The following GALK2 variants were observed in gnomAD, a reference collection of about 807,000 sequenced individuals.
The protein encoded by GALK2 is N-acetylgalactosamine kinase.
A neutral mutation model predicts 52.4 loss-of-function variants in GALK2; 36 were observed. That is an observed-to-expected ratio of 0.69 (90% CI 0.53 to 0.91). The LOEUF is 0.91. Ranked by LOEUF, GALK2 falls within the 40% of genes least tolerant of loss-of-function variation. GALK2 has a pLI of 0.00. For synonymous variants in GALK2, 176 were observed against 199.1 expected (o/e 0.88, Z 0.98); for missense variants, 579 against 559.1 (o/e 1.04, Z -0.36).
intron 8 of GALK2, among the ~76,000 whole-genome samples, chr15:49,315,874 A>AC (rs2151075816): frequency 6.6e-6 from 1 of 152,318 alleles, no homozygotes; most frequent in African/African-American, 2.4e-5. Context: ...AAATCAAAGC[A>AC]CCAGTCCTGG....
intron 1 of GALK2, among the ~76,000 whole-genome samples, chr15:49,173,537 T>G (rs1466903390): frequency 6.6e-6 from 1 of 152,204 alleles, no homozygotes; most frequent in African/African-American, 2.4e-5. Context: ...TGGCTGCCAA[T>G]TTCTACTTCT....
intron 5 of GALK2, among the ~76,000 whole-genome samples, chr15:49,260,392 C>T (rs1482602890): frequency 9.9e-5 from 15 of 150,834 alleles, no homozygotes; most frequent in South Asian, 4.2e-4. Flanking sequence ...TCATGTCCTT[C>T]GCCCACTTTT....
intron 8 of GALK2, among the ~76,000 whole-genome samples, chr15:49,297,260 C>A (rs1185310517): frequency 6.6e-6 from 1 of 152,086 alleles, no homozygotes; most frequent in Admixed American, 6.5e-5. Context: ...GTCCTTTGCC[C>A]ATTTTTTAAT....
At chr15:49,163,070 T>C (rs2084707792) in intron 1 of GALK2, among the ~76,000 whole-genome samples, 1 of 152,216 alleles carries the variant, frequency 6.6e-6, no homozygotes, top group African/African-American at 2.4e-5. Flanking sequence ...CTCAAATTGT[T>C]TTCCTAAGTG....
intron 8 of GALK2, among the ~76,000 whole-genome samples, chr15:49,311,891 C>T (rs2036018537): frequency 6.6e-6 from 1 of 152,208 alleles, no homozygotes; most frequent in African/African-American, 2.4e-5. Context: ...CCCCAGGCTT[C>T]CCATTGCCTG....
At chr15:49,357,211 A>G (rs1400762749) in intron 3 of GALK2, among the ~76,000 whole-genome samples, 3 of 150,198 alleles carry the variant, frequency 2.0e-5, no homozygotes, top group Non-Finnish European at 4.4e-5. Context: ...AAAAGCTAGC[A>G]GAAGGCAAGA....
intron 3 of GALK2, among the ~76,000 whole-genome samples, chr15:49,337,953 C>T (rs972402354): frequency 2.6e-5 from 4 of 152,226 alleles, no homozygotes; most frequent in Admixed American, 6.5e-5. Context: ...TGAACACTGC[C>T]GCAATAAACA....
intron 5 of GALK2, among the ~76,000 whole-genome samples, chr15:49,257,670 T>C (rs2091869930): frequency 6.6e-6 from 1 of 152,066 alleles, no homozygotes; most frequent in South Asian, 2.1e-4. Context: ...GCAGTGAGAA[T>C]ACAGTTTTCA....
intron 7 of GALK2, among the ~76,000 whole-genome samples, chr15:49,285,584 C>T (rs1291684680): frequency 1.3e-5 from 2 of 152,170 alleles, no homozygotes; most frequent in Non-Finnish European, 2.9e-5. Context: ...GAGCTCCAAA[C>T]CTCTATATCC....
intron 1 of GALK2, among the ~76,000 whole-genome samples, chr15:49,200,281 A>T (rs1194525189): frequency 1.3e-5 from 2 of 152,206 alleles, no homozygotes; most frequent in African/African-American, 4.8e-5. Context: ...GAACTTTGAC[A>T]TTGAATTAGA....
intron 3 of GALK2, among the ~76,000 whole-genome samples, chr15:49,342,586 T>C (rs533265172): frequency 1.3e-5 from 2 of 152,332 alleles, no homozygotes; most frequent in East Asian, 3.9e-4. Context: ...TGTTAGCTGG[T>C]TGCTTTGTAG....
chr15:49,265,756 C>A (rs939037116), intron 5 of GALK2, among the ~76,000 whole-genome samples: 5 of 152,082 alleles, frequency 3.3e-5, no homozygotes, highest in Non-Finnish European at 7.4e-5. Flanking sequence ...CTGAATGGAA[C>A]AAAATGTTTG....
intron 5 of GALK2, among the ~76,000 whole-genome samples, chr15:49,257,622 T>A (rs1241185910): frequency 2.0e-5 from 3 of 152,124 alleles, no homozygotes; most frequent in African/African-American, 7.2e-5. Context: ...AATTAAAGTG[T>A]TGTAGTTAAA....
chr15:49,282,928 A>C (rs1280712710), intron 6 of GALK2, among the ~76,000 whole-genome samples: 1 of 152,196 alleles, frequency 6.6e-6, no homozygotes, highest in Admixed American at 6.5e-5. Context: ...TCCTGATGTT[A>C]ATGTAAGTTA....
intron 1 of GALK2, among the ~76,000 whole-genome samples, chr15:49,180,496 A>C (rs1319271228): frequency 6.6e-6 from 1 of 152,144 alleles, no homozygotes; most frequent in African/African-American, 2.4e-5. Flanking sequence ...CTGCTATTAG[A>C]TCTCTTTATT....
intron 9 of GALK2, among the ~76,000 whole-genome samples, chr15:49,323,124 G>T (rs540034468): frequency 6.6e-6 from 1 of 152,092 alleles, no homozygotes; most frequent in Admixed American, 6.5e-5. Context: ...ATGGGGAAAG[G>T]TTCGAATGAA....
At chr15:49,364,695 G>A (rs2044821463) in intron 3 of GALK2, among the ~76,000 whole-genome samples, 1 of 151,978 alleles carries the variant, frequency 6.6e-6, no homozygotes, top group Non-Finnish European at 1.5e-5. Flanking sequence ...CTGCCTTCTT[G>A]CATGGTCTTA....
At chr15:49,157,306 C>A (rs1422863663) in intron 1 of GALK2, among the ~76,000 whole-genome samples, 6 of 151,642 alleles carry the variant, frequency 4.0e-5, no homozygotes, top group African/African-American at 1.5e-4. Context: ...GAAAGAGACT[C>A]GATAGTAAGG....
chr15:49,313,520 C>A (rs1051612108), intron 8 of GALK2, among the ~76,000 whole-genome samples: 1 of 152,204 alleles, frequency 6.6e-6, no homozygotes, highest in Non-Finnish European at 1.5e-5. Context: ...ACTGGTCCTT[C>A]CCCAGCAAGC....
Sources: gnomAD v4.1 joint callset for allele counts (sites outside exome capture counted in the v4.1 genomes callset) on GRCh38, gnomAD v4.1.1 for gene constraint, MANE v1.5 for transcripts, NCBI Gene and HGNC (gene_info 2026-07-23, HGNC 2026-07-21) for gene names.